Variants in CYP11B1 observed in about 807,000 individuals in gnomAD.
CYP11B1 encodes cytochrome P450 11B1, mitochondrial.
CYP11B1 carries 34 observed loss-of-function variants against 48.3 expected under a neutral mutation model. The ratio of observed to expected loss-of-function variants is 0.70; its 90% CI spans 0.54 to 0.94. The LOEUF (loss-of-function observed/expected upper bound fraction) is 0.94. CYP11B1 is among the 40% of genes least tolerant of loss of function. The probability of loss-of-function intolerance (pLI) is 0.00; values close to 1 mark genes in which losing one functional copy is unlikely to be tolerated. For synonymous variants in CYP11B1, 291 were observed against 262.5 expected (o/e 1.11, Z -1.05); for missense variants, 688 against 657.4 (o/e 1.05, Z -0.51).
chr8:142,874,532 G>A, intron 8 of CYP11B1, 46 bp from the exon 9 acceptor site: 1 of 1,290,796 alleles, frequency 7.7e-7, no homozygotes, highest in East Asian at 2.3e-5. Context: ...CGCAGCCCAT[G>A]CACGTGGTGC....
chr8:142,875,390 G>A, intron 6 of CYP11B1, 78 bp from the exon 7 acceptor site: 1 of 1,461,862 alleles, frequency 6.8e-7, no homozygotes, highest in African/African-American at 1.4e-5. Context: ...TCCTACCGAA[G>A]AACCCGCAGA....
At position 142,877,022 on chromosome 8, in the gene CYP11B1, C is replaced by T. The variant is rs1264073726; in HGVS notation, c.595+1G>A. The T allele has an allele frequency of 4.3e-6, 7 of 1,613,404 alleles. No individual in the cohort carries two copies. Among genetic ancestry groups the T allele is most frequent in the Admixed American group, 1.7e-5 (1 of 59,852 alleles). On this transcript the variant is annotated splice_donor_variant, in intron 3 of 8. Coordinates refer to ENST00000292427, the MANE Select transcript of CYP11B1 (RefSeq NM_000497.4). LOFTEE classifies it high-confidence loss of function. ...GCTGGATCTTCCCACGTGGCCCACA[C>T]CTTCTATGGTGTAGTGGAAGATGCT...
chr8:142,874,105 C>T lies in CYP11B1; in HGVS notation c.*268G>A. 1.9e-6 allele frequency: 1 copy of T among 527,306 alleles called. No individual in the cohort carries two copies. Among genetic ancestry groups the T allele is most frequent in the Non-Finnish European group, 3.4e-6 (1 of 290,828 alleles). 32.7% of individuals were successfully genotyped at this position (527,306 alleles called of 1,614,324 possible). A position where few individuals can be genotyped will look rare whatever the true frequency, so the allele number is the denominator to read the frequency against. ...CAGCACTGGGAGGGATGGGGGCAAA[C>T]TGCCCAGAGGACAGTGCTTGCTGGA... On this transcript the variant is annotated 3_prime_UTR_variant, in exon 9 of 9. Coordinates refer to ENST00000292427, the MANE Select transcript of CYP11B1 (RefSeq NM_000497.4).
Position 142,876,970 on chromosome 8 carries a change from G to A in CYP11B1, c.595+53C>T, listed in dbSNP as rs745851867. ...ACACTCCCTTCAGTCCCCCATCCCC[G>A]TCCCTGGCCACTCCAGGGTCTCTGA... is the stretch of plus-strand genomic sequence containing the variant. On this transcript the variant is annotated intron_variant, in intron 3 of 8. Transcript: ENST00000292427. 476 of 1,611,546 alleles carry A rather than the reference G, an allele frequency of 3.0e-4. 2 individuals carry two copies. The highest frequency in any genetic ancestry group is 1.4e-3 in the South Asian group (125 of 90,686).
Position 142,877,225 on chromosome 8 carries a change from A to G in CYP11B1, c.396-3T>C, listed in dbSNP as rs754816754. The G allele has an allele frequency of 1.7e-5, 27 of 1,610,944 alleles. No individual in the cohort carries two copies. The highest frequency in any genetic ancestry group is 1.4e-5 in the Non-Finnish European group (16 of 1,178,704). On this transcript the variant is annotated splice_region_variant and splice_polypyrimidine_tract_variant and intron_variant, in intron 2 of 8. Transcript: ENST00000292427. ...TGAAGCGCCATTCAGGCCCATTCCT[A>G]CAGAGGCCAGGGCAGAGCTTGTGAG... is the stretch of plus-strand genomic sequence containing the variant.
chr8:142,878,613 C>A (rs543624084), intron 2 of CYP11B1, among the ~76,000 whole-genome samples: 1 of 152,328 alleles, frequency 6.6e-6, no homozygotes, highest in South Asian at 2.1e-4. Flanking sequence ...CCCTGAGCGC[C>A]CTGAGGGAGG....
At chr8:142,878,227 A>C (rs1171355285) in intron 2 of CYP11B1, among the ~76,000 whole-genome samples, 2 of 152,088 alleles carry the variant, frequency 1.3e-5, no homozygotes, top group African/African-American at 4.8e-5. Context: ...ACTCCCTCCC[A>C]GATGTCGTCT....
chr8:142,874,954 C>T lies in CYP11B1; in HGVS notation c.1398+3G>A, dbSNP rs1816886902. 9 of 1,613,224 alleles carry T rather than the reference C, an allele frequency of 5.6e-6. No individual in the cohort carries two copies. The highest frequency in any genetic ancestry group is 7.6e-6 in the Non-Finnish European group (9 of 1,179,998). On this transcript the variant is annotated splice_donor_region_variant and intron_variant, in intron 8 of 8. Transcript: ENST00000292427. ...GGCCCCTCCCCAGCCCGGGCCTGCT[C>T]ACATGGTGCAGCAGCAGCAGCATCT...
chr8:142,876,155 G>T, intron 5 of CYP11B1, 86 bp downstream of exon 5: 2 of 1,573,382 alleles, frequency 1.3e-6, no homozygotes, highest in Middle Eastern at 1.8e-4. Flanking sequence ...GATGGGACAC[G>T]TGGGCGCCGT....
rs115446538 is a variant in CYP11B1, at chr8:142,876,430, G to A, written c.800-35C>T. ...GAGCGGGAGGCAGCCCTCAGACTTT[G>A]GTGCTGGGAGACATCCTTCAGTGTC... On this transcript the variant is annotated intron_variant, in intron 4 of 8. Transcript: ENST00000292427. 5.5e-4 allele frequency: 880 copies of A among 1,602,228 alleles called. 3 individuals carry two copies. In the African/African-American group the frequency reaches 0.011, roughly 19 times the overall value.
intron 2 of CYP11B1, among the ~76,000 whole-genome samples, chr8:142,878,499 C>T (rs570608862): frequency 2.1e-4 from 32 of 152,376 alleles, no homozygotes; most frequent in African/African-American, 6.7e-4. Context: ...CGCCCCACCT[C>T]GTGCCTTGCT....
rs375429674 is a variant in CYP11B1 at position 142,874,066 on chromosome 8, G to C, written c.*307C>G. 2 of 464,810 alleles carry C rather than the reference G, an allele frequency of 4.3e-6. No homozygotes were observed. Among genetic ancestry groups the C allele is most frequent in the Non-Finnish European group, 8.0e-6 (2 of 251,480 alleles). The allele number at this position is 464,810 out of a possible 1,614,324, so 28.8% of individuals were successfully genotyped here. ...CCACAGCACCCTTGTATGGCCACAC[G>C]AGGAGCCTGGAGCCAGCACTGGGAG... On this transcript the variant is annotated 3_prime_UTR_variant, in exon 9 of 9. Transcript: ENST00000292427.
chr8:142,879,744 G>T lies in CYP11B1; in HGVS notation c.70C>A (p.Leu24Met). ...PWLSLQRAQA[L>M]GTRAARVPRT... ...GGGACCCGGGCGGCTCTCGTGCCCA[G>T]TGCCTGTGCCCTTTGCAGGGACAGC... Residue 24 changes from leucine to methionine, a missense_variant, in exon 1 of 9, where the codon CTG becomes ATG. Physicochemically the swap from Leu to Met is conservative, Grantham distance 15. Coordinates refer to ENST00000292427, the MANE Select transcript of CYP11B1 (RefSeq NM_000497.4). 6.2e-7 allele frequency: 1 copy of T among 1,614,250 alleles called. No individual in the cohort carries two copies. The highest frequency in any genetic ancestry group is 1.7e-4 in the Middle Eastern group (1 of 6,060).
Position 142,874,097 on chromosome 8 carries a change from G to A in CYP11B1, c.*276C>T. 1.9e-6 allele frequency: 1 copy of A among 516,306 alleles called. No individual in the cohort carries two copies. The highest frequency in any genetic ancestry group is 3.5e-5 in the East Asian group (1 of 28,406). The allele number at this position is 516,306 out of a possible 1,614,324, so 32.0% of individuals were successfully genotyped here. On this transcript the variant is annotated 3_prime_UTR_variant, in exon 9 of 9. Coordinates refer to ENST00000292427, the MANE Select transcript of CYP11B1 (RefSeq NM_000497.4). ...CCTGGAGCCAGCACTGGGAGGGATG[G>A]GGGCAAACTGCCCAGAGGACAGTGC...
chr8:142,876,758 G>A lies in CYP11B1; in HGVS notation c.723C>T (p.Pro241=). 6.2e-7 allele frequency: 1 copy of A among 1,614,078 alleles called. No individual in the cohort carries two copies. Among genetic ancestry groups the A allele is most frequent in the African/African-American group, 1.3e-5 (1 of 75,056 alleles). Residue 241 remains proline (P), a synonymous_variant, in exon 4 of 9, where the codon CCC becomes CCT. Coordinates refer to ENST00000292427, the MANE Select transcript of CYP11B1 (RefSeq NM_000497.4). ...FKSTVQLMFM[P]RSLSRWTSPK... Reference sequence around the variant, plus strand: ...GGCTGGTCCAGCGAGACAGGCTCCTGGGCATGAACATGAGCTGGACGGTGG... The same window carrying A: ...GGCTGGTCCAGCGAGACAGGCTCCTAGGCATGAACATGAGCTGGACGGTGG...
In CYP11B1 at chr8:142,876,370, A is replaced by G. The variant is rs5290; in HGVS notation, c.825T>C (p.Tyr275=). The G allele has an allele frequency of 5.9e-4, 952 of 1,614,112 alleles. No individual in the cohort carries two copies. The African/African-American group carries it at 0.011, about 18-fold the overall frequency. The change falls in exon 5 of 9, where the codon TAT becomes TAC. Residue 275 remains tyrosine, a synonymous_variant. Coordinates refer to ENST00000292427, the MANE Select transcript of CYP11B1 (RefSeq NM_000497.4). ...GAGGGCGGCTGAAGGCCAGTTCCTGATAGATTTTCTGGATACAGTTGTCGC... is the reference window on the plus strand; with the variant it reads ...GAGGGCGGCTGAAGGCCAGTTCCTGGTAGATTTTCTGGATACAGTTGTCGC... ...QYGDNCIQKI[Y]QELAFSRPQQ...
At chr8:142,876,101 C>A in intron 5 of CYP11B1, 140 bp downstream of exon 5, 2 of 1,299,378 alleles carry the variant, frequency 1.5e-6, no homozygotes, top group Non-Finnish European at 2.2e-6. Context: ...ACGTGTTTAT[C>A]ACATCACAAT....
chr8:142,874,889 C>A, intron 8 of CYP11B1, 68 bp downstream of exon 8: 1 of 1,588,606 alleles, frequency 6.3e-7, no homozygotes. Flanking sequence ...GCCAGTCCCA[C>A]ATTGCTCAAG....
rs1320700394 is a variant in CYP11B1 at position 142,876,709 on chromosome 8, C to G, written c.772G>C (p.Glu258Gln). ...TSPKVWKEHF[E>Q]AWDCIFQYGD... ...TACTGGAAGATGCAGTCCCAGGCCT[C>G]AAAGTGCTCCTTCCACACCTTGGGG... is the stretch of plus-strand genomic sequence containing the variant. The change falls in exon 4 of 9, where the codon GAG becomes CAG. Residue 258 changes from glutamate (E) to glutamine (Q), a missense_variant. Coordinates refer to ENST00000292427, the MANE Select transcript of CYP11B1 (RefSeq NM_000497.4). The G allele has an allele frequency of 6.2e-7, 1 of 1,613,352 alleles. No individual in the cohort carries two copies. The highest frequency in any genetic ancestry group is 1.7e-5 in the Admixed American group (1 of 59,958).
Sources: allele counts gnomAD v4.1 joint callset (sites outside exome capture counted in the v4.1 genomes callset), GRCh38; gene constraint gnomAD v4.1.1; transcripts MANE v1.5; gene names NCBI Gene and HGNC (gene_info 2026-07-23, HGNC 2026-07-21).